Variants in KCNJ11 observed in about 807,000 individuals in gnomAD.
KCNJ11 encodes ATP-sensitive inward rectifier potassium channel 11.
KCNJ11 carries 12 observed loss-of-function variants against 17.3 expected under a neutral mutation model. That is an observed-to-expected ratio of 0.69 (90% CI 0.44 to 1.12). The LOEUF (loss-of-function observed/expected upper bound fraction) is 1.12. KCNJ11 is among the 50% of genes most tolerant of loss of function. The probability of loss-of-function intolerance (pLI) is 0.00; values close to 1 mark genes in which losing one functional copy is unlikely to be tolerated. For missense variants in KCNJ11, 386 were observed against 554.1 expected (o/e 0.70, Z 3.05); for synonymous variants, 211 against 223.4 (o/e 0.94, Z 0.50).
rs1238554106 is a variant in KCNJ11 at position 17,386,041 on chromosome 11, AT to A, written c.*877del. The A allele has an allele frequency of 6.6e-6, 1 of 152,586 alleles. No homozygotes were observed. The highest frequency in any genetic ancestry group is 1.9e-4 in the East Asian group (1 of 5,208). The allele number at this position is 152,586 out of a possible 1,614,324, so 9.5% of individuals were successfully genotyped here. On this transcript the variant is annotated 3_prime_UTR_variant, in exon 1 of 1. Coordinates refer to ENST00000339994, the MANE Select transcript of KCNJ11 (RefSeq NM_000525.4). ...ACACCTTTTCCAGCAACCCAAAGAT[AT>A]CCACCCCCAAGCCACCTTCTGGACA...
At chr11:17,389,019 T>TC (rs956143807), upstream of KCNJ11, 1 of 264,858 alleles carries the variant, frequency 3.8e-6, no homozygotes, top group Non-Finnish European at 8.1e-6. Context: ...TTCTCTGGAG[T>TC]CACCACCCCA....
Position 17,386,502 on chromosome 11 carries a change from G to C in KCNJ11, c.*417C>G, listed in dbSNP as rs1002716098. 1.1e-5 allele frequency: 2 copies of C among 186,996 alleles called. No homozygotes were observed. The highest frequency in any genetic ancestry group is 2.3e-5 in the Non-Finnish European group (2 of 88,658). 11.6% of individuals were successfully genotyped at this position (186,996 alleles called of 1,614,324 possible). A position where few individuals can be genotyped will look rare whatever the true frequency, so the allele number is the denominator to read the frequency against. On this transcript the variant is annotated 3_prime_UTR_variant, in exon 1 of 1. Coordinates refer to ENST00000339994, the MANE Select transcript of KCNJ11 (RefSeq NM_000525.4). Reference sequence around the variant, plus strand: ...CAGGTGCTTTTTCAGGGACCAAGTAGAGCTGGGGCCTGACCACAGGCACTT... The same window carrying C: ...CAGGTGCTTTTTCAGGGACCAAGTACAGCTGGGGCCTGACCACAGGCACTT...
rs1045569745 is a variant in KCNJ11 at position 17,385,594 on chromosome 11, G to A, written c.*1325C>T. On this transcript the variant is annotated 3_prime_UTR_variant, in exon 1 of 1. Transcript: ENST00000339994. ...CCAGCCTTCCAGCAGGTCCCTGGGA[G>A]TAGAGACAGAGCCCAGGGCTGCAAA... Among the ~76,000 whole-genome samples the A allele has an allele frequency of 3.3e-5, 5 of 152,244 alleles. No individual in the cohort carries two copies. Among genetic ancestry groups the A allele is most frequent in the Non-Finnish European group, 7.3e-5 (5 of 68,042 alleles).
upstream of KCNJ11, chr11:17,388,736 C>T (rs5222): frequency 0.39 from 161,802 of 415,148 alleles, 33,783 homozygotes; most frequent in African/African-American, 0.56. Context: ...GCTAAGAGCC[C>T]TTCTCCCCGC....
chr11:17,385,287 T>A lies in KCNJ11; in HGVS notation c.*1632A>T, dbSNP rs948142964. Among the ~76,000 whole-genome samples the A allele has an allele frequency of 3.9e-5, 6 of 152,242 alleles. No homozygotes were observed. Among genetic ancestry groups the A allele is most frequent in the Non-Finnish European group, 8.8e-5 (6 of 68,050 alleles). ...GGCCGTTTCCTCAGCATGTAGCTGA[T>A]TCAGCAGCAATCACAATAGTTAACA... On this transcript the variant is annotated 3_prime_UTR_variant, in exon 1 of 1. Coordinates refer to ENST00000339994, the MANE Select transcript of KCNJ11 (RefSeq NM_000525.4).
Position 17,387,555 on chromosome 11 carries a change from C to T in KCNJ11, c.537G>A (p.Glu179=), listed in dbSNP as rs2133380098. 1 of 1,613,166 alleles carries T rather than the reference C, an allele frequency of 6.2e-7. No homozygotes were observed. The highest frequency in any genetic ancestry group is 2.2e-5 in the East Asian group (1 of 44,866). Residue 179 remains glutamate (E), a synonymous_variant, in exon 1 of 1, where the codon GAG becomes GAA. Transcript: ENST00000339994. ...CCGCATGCTTGCTGAAGATGAGGGT[C>T]TCAGCCCTGCGGTGGGCTTGGGCAG... ...MKTAQAHRRA[E]TLIFSKHAVI...
Position 17,386,565 on chromosome 11 carries a change from T to G in KCNJ11, c.*354A>C. On this transcript the variant is annotated 3_prime_UTR_variant, in exon 1 of 1. Transcript: ENST00000339994. The stretch of plus-strand genomic sequence containing the variant: ...GACGCAAAGCAGCAGCCCTCGGGGA[T>G]TGTTCTTCCCCAGCCACCGGCCCAG... The G allele has an allele frequency of 1.1e-4, 26 of 238,076 alleles. No homozygotes were observed. The highest frequency in any genetic ancestry group is 1.5e-4 in the Non-Finnish European group (18 of 121,176). 14.7% of individuals were successfully genotyped at this position (238,076 alleles called of 1,614,324 possible).
rs184094021 is a variant in KCNJ11 at position 17,386,940 on chromosome 11, G to A, written c.1152C>T (p.Ile384=). 7.4e-6 allele frequency: 12 copies of A among 1,613,176 alleles called. No individual in the cohort carries two copies. In the Admixed American group the frequency reaches 8.3e-5, roughly 11 times the overall value. ...PMAKAKPKFS[I]SPDSLS is the part of the protein sequence containing the mutation. ...TGGCTCAGGACAGGGAATCTGGAGAGATGCTGAACTTGGGCTTGGCCTTGG... is the reference window on the plus strand; with the variant it reads ...TGGCTCAGGACAGGGAATCTGGAGAAATGCTGAACTTGGGCTTGGCCTTGG... Residue 384 remains isoleucine (I), a synonymous_variant, in exon 1 of 1, where the codon ATC becomes ATT. Coordinates refer to ENST00000339994, the MANE Select transcript of KCNJ11 (RefSeq NM_000525.4).
At position 17,388,159 on chromosome 11, in the gene KCNJ11, C is replaced by A; in HGVS notation, c.-68G>T. The stretch of plus-strand genomic sequence containing the variant: ...ACCCCTCGGACGTGGCCTAGGGCCT[C>A]ACTGCAGAGTCCTCTCGGTGGGCAC... On this transcript the variant is annotated 5_prime_UTR_variant, in exon 1 of 1. Transcript: ENST00000339994. 6.9e-7 allele frequency: 1 copy of A among 1,441,470 alleles called. No individual in the cohort carries two copies. The highest frequency in any genetic ancestry group is 1.2e-5 in the South Asian group (1 of 85,658). The allele number at this position is 1,441,470 out of a possible 1,614,324, so 89.3% of individuals were successfully genotyped here. A position where few individuals can be genotyped will look rare whatever the true frequency, so the allele number is the denominator to read the frequency against.
chr11:17,388,766 C>A, upstream of KCNJ11: 1 of 449,132 alleles, frequency 2.2e-6, no homozygotes. Flanking sequence ...CTTCCCAGCC[C>A]AGCTCAGAAC....
chr11:17,388,848 G>GA, upstream of KCNJ11: 2 of 456,182 alleles, frequency 4.4e-6, no homozygotes, highest in Non-Finnish European at 8.8e-6. Context: ...CACCTGTCTG[G>GA]CCTTCGGGCT....
At position 17,388,190 on chromosome 11, in the gene KCNJ11, C is replaced by T. The variant is rs1400580163; in HGVS notation, c.-99G>A. The T allele has an allele frequency of 5.0e-5, 51 of 1,028,100 alleles. No individual in the cohort carries two copies. Among genetic ancestry groups the T allele is most frequent in the Non-Finnish European group, 6.7e-5 (46 of 685,786 alleles). 63.7% of individuals were successfully genotyped at this position (1,028,100 alleles called of 1,614,324 possible). A position where few individuals can be genotyped will look rare whatever the true frequency, so the allele number is the denominator to read the frequency against. The stretch of plus-strand genomic sequence containing the variant: ...AGAGTCCTCTCGGTGGGCACCTTCT[C>T]ACCCTGGGGCTGCACTCAGCCTGTG... On this transcript the variant is annotated 5_prime_UTR_variant, in exon 1 of 1. Coordinates refer to ENST00000339994, the MANE Select transcript of KCNJ11 (RefSeq NM_000525.4).
chr11:17,388,235 A>C lies in KCNJ11; in HGVS notation c.-144T>G. The C allele has an allele frequency of 1.5e-6, 1 of 680,258 alleles. No homozygotes were observed. Among genetic ancestry groups the C allele is most frequent in the Non-Finnish European group, 2.5e-6 (1 of 395,966 alleles). The allele number at this position is 680,258 out of a possible 1,614,324, so 42.1% of individuals were successfully genotyped here. ...CCTGTGCTGGCCTCACTTCTGAGAT[A>C]ACTCCCCACCAGACTCTTCCTTACC... On this transcript the variant is annotated 5_prime_UTR_variant, in exon 1 of 1. Transcript: ENST00000339994.
Position 17,387,239 on chromosome 11 carries a change from C to T in KCNJ11, c.853G>A (p.Val285Ile), listed in dbSNP as rs149667199. 22 of 1,614,230 alleles carry T rather than the reference C, an allele frequency of 1.4e-5. No individual in the cohort carries two copies. Among genetic ancestry groups the T allele is most frequent in the Middle Eastern group, 1.6e-4 (1 of 6,062 alleles). Reference sequence around the variant, plus strand: ...GTTTCCACCACGCCTTCCAGGATGACGATGATCTCGAGGTCCTGGTGGTGG... The same window carrying T: ...GTTTCCACCACGCCTTCCAGGATGATGATGATCTCGAGGTCCTGGTGGTGG... ...LHHHQDLEII[V>I]ILEGVVETTG... The change falls in exon 1 of 1, where the codon GTC becomes ATC. Residue 285 changes from valine (V) to isoleucine (I), a missense_variant. Val to Ile is a conservative substitution (Grantham distance 29). Coordinates refer to ENST00000339994, the MANE Select transcript of KCNJ11 (RefSeq NM_000525.4).
Position 17,386,832 on chromosome 11 carries a change from G to A in KCNJ11, c.*87C>T. ...GCAGGGGGAGGCTGAGCTGAGGCTG[G>A]CCCAGCCTCACACCAGGCCCTGGCC... On this transcript the variant is annotated 3_prime_UTR_variant, in exon 1 of 1. Transcript: ENST00000339994. 8.1e-7 allele frequency: 1 copy of A among 1,238,746 alleles called. No individual in the cohort carries two copies. Among genetic ancestry groups the A allele is most frequent in the Non-Finnish European group, 1.1e-6 (1 of 887,334 alleles). 76.7% of individuals were successfully genotyped at this position (1,238,746 alleles called of 1,614,324 possible).
Position 17,387,882 on chromosome 11 carries a change from G to GT in KCNJ11, c.209dup (p.His70GlnfsTer30). ...AGGACATGGTGAAGATGAGCAATGT[G>GT]TGTGGCCACTTGAGGTCCACCAGCG... On this transcript the variant is annotated frameshift_variant, in exon 1 of 1. Transcript: ENST00000339994. 1 of 1,610,350 alleles carries GT rather than the reference G, an allele frequency of 6.2e-7. No homozygotes were observed. Among genetic ancestry groups the GT allele is most frequent in the East Asian group, 2.2e-5 (1 of 44,740 alleles).
rs576026175 is a variant in KCNJ11, at chr11:17,386,516, C to T, written c.*403G>A. The T allele has an allele frequency of 2.5e-5, 5 of 202,978 alleles. No individual in the cohort carries two copies. In the East Asian group the frequency reaches 5.3e-4, roughly 22 times the overall value. 12.6% of individuals were successfully genotyped at this position (202,978 alleles called of 1,614,324 possible). On this transcript the variant is annotated 3_prime_UTR_variant, in exon 1 of 1. Transcript: ENST00000339994. ...GGGACCAAGTAGAGCTGGGGCCTGA[C>T]CACAGGCACTTCTTGGAGCCACAGA...
Position 17,387,032 on chromosome 11 carries a change from T to C in KCNJ11, c.1060A>G (p.Ser354Gly), listed in dbSNP as rs749183151. The C allele has an allele frequency of 2.6e-5, 42 of 1,614,108 alleles. No individual in the cohort carries two copies. The African/African-American group carries it at 4.9e-4, about 19-fold the overall frequency. The stretch of plus-strand genomic sequence containing the variant: ...GCGAGGGTCAGAGCTTCCAGTAGGC[T>C]GTGGTCCTCATCAAGCTGGCGGGCC... ...CTARQLDEDHSLLEALTLASA... is the reference protein window; with the variant it reads ...CTARQLDEDHGLLEALTLASA... Residue 354 changes from serine (S) to glycine (G), a missense_variant, in exon 1 of 1, where the codon AGC becomes GGC. Coordinates refer to ENST00000339994, the MANE Select transcript of KCNJ11 (RefSeq NM_000525.4).
rs777540229 is a variant in KCNJ11 at position 17,386,969 on chromosome 11, T to C, written c.1123A>G (p.Met375Val). 3 of 1,613,356 alleles carry C rather than the reference T, an allele frequency of 1.9e-6. No homozygotes were observed. In the African/African-American group the frequency reaches 4.0e-5, roughly 22 times the overall value. The change falls in exon 1 of 1, where the codon ATG becomes GTG. Residue 375 changes from methionine (M) to valine (V), a missense_variant. Transcript: ENST00000339994. ...CTGAACTTGGGCTTGGCCTTGGCCATGGGCACGCTGCGCTTGCGCAGGGGC... is the reference window on the plus strand; with the variant it reads ...CTGAACTTGGGCTTGGCCTTGGCCACGGGCACGCTGCGCTTGCGCAGGGGC... ...RGPLRKRSVP[M>V]AKAKPKFSIS...
Sources: gnomAD v4.1 joint callset for allele counts (sites outside exome capture counted in the v4.1 genomes callset) on GRCh38, gnomAD v4.1.1 for gene constraint, MANE v1.5 for transcripts, NCBI Gene and HGNC (gene_info 2026-07-23, HGNC 2026-07-21) for gene names.